The following C19orf47 variants were observed in gnomAD, a reference collection of about 807,000 sequenced individuals.
C19orf47 encodes uncharacterized protein C19orf47.
A neutral mutation model predicts 32.3 loss-of-function variants in C19orf47; 18 were observed. The ratio of observed to expected loss-of-function variants is 0.56; its 90% CI spans 0.39 to 0.83. The LOEUF (loss-of-function observed/expected upper bound fraction) is 0.83. Among genes scored for constraint, C19orf47 ranks in the 40% least tolerant of loss-of-function variants. The pLI is 0.00. For missense variants in C19orf47, 484 were observed against 531.6 expected (o/e 0.91, Z 0.88); for synonymous variants, 202 against 211.1 (o/e 0.96, Z 0.37).
the C19orf47 span, among the ~76,000 whole-genome samples, chr19:40,305,075 G>A: frequency 6.6e-6 from 1 of 152,108 alleles, no homozygotes; most frequent in Non-Finnish European, 1.5e-5. Context: ...AGGCGCGGTG[G>A]CTCATGCCTG....
chr19:40,336,267 T>C, intron 3 of C19orf47, 43 bp from the exon 4 acceptor site: 3 of 1,613,122 alleles, frequency 1.9e-6, no homozygotes, highest in Non-Finnish European at 2.5e-6. Flanking sequence ...TGGGCCAGAG[T>C]GGGTGGGCCA....
At chr19:40,317,031 AG>A (rs1361012104), downstream of C19orf47, among the ~76,000 whole-genome samples, 1 of 152,178 alleles carries the variant, frequency 6.6e-6, no homozygotes, top group African/African-American at 2.4e-5. Context: ...GGAAGGGACT[AG>A]GGGGCTAGGA....
chr19:40,328,727 G>A (rs1354421270), intron 5 of C19orf47, among the ~76,000 whole-genome samples, 177 bp from the exon 6 acceptor site: 1 of 152,068 alleles, frequency 6.6e-6, no homozygotes, highest in African/African-American at 2.4e-5. Context: ...AGGGTGGGCT[G>A]CATCTCCCCA....
Position 40,321,976 on chromosome 19 carries a change from G to T in C19orf47, c.1064C>A (p.Pro355His). Residue 355 changes from proline to histidine, a missense_variant, in exon 9 of 9, where the codon CCC becomes CAC. By Grantham distance (77) the Pro-to-His change is moderately conservative (BLOSUM62 -2). Transcript: ENST00000683109. ...KVTIKRTLVG[P>H]RGSSSSEGLG... ...GCCCTCGCTGGAGCTGCTCCCCCGG[G>T]GCCCCACCAGAGTCCTCTTAATGGT... is the stretch of plus-strand genomic sequence containing the variant. The T allele has an allele frequency of 6.2e-7, 1 of 1,613,904 alleles. No individual in the cohort carries two copies. The highest frequency in any genetic ancestry group is 8.5e-7 in the Non-Finnish European group (1 of 1,179,936).
At chr19:40,330,022 T>TA (rs1188870923) in intron 5 of C19orf47, among the ~76,000 whole-genome samples, 3 of 152,214 alleles carry the variant, frequency 2.0e-5, no homozygotes, top group Non-Finnish European at 2.9e-5. Context: ...GTCTTTACTC[T>TA]GTCTTGCATT....
chr19:40,322,717 T>G (rs533081415), intron 8 of C19orf47, among the ~76,000 whole-genome samples: 1 of 152,152 alleles, frequency 6.6e-6, no homozygotes, highest in Non-Finnish European at 1.5e-5. Flanking sequence ...GTGGAGAGAT[T>G]AATCTGGTCA....
At chr19:40,323,970 T>C in intron 8 of C19orf47, 36 bp downstream of exon 8, 3 of 1,612,860 alleles carry the variant, frequency 1.9e-6, no homozygotes, top group Non-Finnish European at 2.5e-6. Flanking sequence ...AGACAACAGC[T>C]CGCACGCCCA....
chr19:40,346,102 G>A (rs1284107358), intron 1 of C19orf47, among the ~76,000 whole-genome samples: 1 of 147,400 alleles, frequency 6.8e-6, no homozygotes, highest in Non-Finnish European at 1.5e-5. Flanking sequence ...GTTGCAGTGA[G>A]CCGAAACTGT....
the C19orf47 span, among the ~76,000 whole-genome samples, chr19:40,307,315 G>C: frequency 6.6e-6 from 1 of 151,436 alleles, no homozygotes; most frequent in South Asian, 2.1e-4. Context: ...GACTGGTCTC[G>C]AACTCTTGTT....
intron 7 of C19orf47, 79 bp from the exon 8 acceptor site, chr19:40,324,155 G>A: frequency 1.5e-6 from 2 of 1,374,928 alleles, no homozygotes; most frequent in Non-Finnish European, 2.1e-6. Flanking sequence ...CACCAAGGCA[G>A]CCCAGACACC....
downstream of C19orf47, among the ~76,000 whole-genome samples, chr19:40,317,466 G>GA (rs972293481): frequency 8.0e-4 from 118 of 146,992 alleles, no homozygotes; most frequent in Admixed American, 2.0e-3. Context: ...TAGAATCAGT[G>GA]AAAAAAAAAA....
At chr19:40,305,280 T>G in the C19orf47 span, among the ~76,000 whole-genome samples, 1 of 151,352 alleles carries the variant, frequency 6.6e-6, no homozygotes, top group Non-Finnish European at 1.5e-5. Flanking sequence ...GAGGCAGAGG[T>G]TTCAGTGAGC....
At chr19:40,300,055 G>A in the C19orf47 span, among the ~76,000 whole-genome samples, 2 of 151,900 alleles carry the variant, frequency 1.3e-5, no homozygotes, top group African/African-American at 4.8e-5. Flanking sequence ...AGACTAATTA[G>A]GCTTATTTGA....
chr19:40,343,467 T>C (rs2078216442), intron 1 of C19orf47: 1 of 152,150 alleles, frequency 6.6e-6, no homozygotes, highest in Admixed American at 6.5e-5. Context: ...GGTGCAAACA[T>C]GACTTACCTT....
intron 7 of C19orf47, among the ~76,000 whole-genome samples, chr19:40,324,968 AAAAAG>A (rs1220650495): frequency 2.0e-5 from 3 of 151,708 alleles, no homozygotes; most frequent in Non-Finnish European, 2.9e-5. Flanking sequence ...TCAAAAAAAA[AAAAAG>A]AAAAGAAAAG....
chr19:40,322,024 T>G lies in C19orf47; in HGVS notation c.1016A>C (p.Lys339Thr). The change falls in exon 9 of 9, where the codon AAG (lysine) becomes ACG (threonine). Residue 339 changes from lysine to threonine, a missense_variant. By Grantham distance (78) the Lys-to-Thr change is moderately conservative. Around this residue, in one of 3 missense-constraint regions of C19orf47, gnomAD observed 51 missense variants for 74.5 expected, o/e 0.68. Coordinates refer to ENST00000683109, the MANE Select transcript of C19orf47 (RefSeq NM_001256441.2). ...QDSQVTSTKS[K>T]SSAEVKVTIK... ...GGTGACCTTGACCTCGGCTGAGGAC[T>G]TACTCTTGGTGCTGGTGACCTGGCT... The G allele has an allele frequency of 6.2e-7, 1 of 1,614,176 alleles. No homozygotes were observed. The highest frequency in any genetic ancestry group is 8.5e-7 in the Non-Finnish European group (1 of 1,180,018).
At chr19:40,300,656 C>T in the C19orf47 span, among the ~76,000 whole-genome samples, 1,403 of 152,200 alleles carry the variant, frequency 9.2e-3, 20 homozygotes, top group Non-Finnish European at 7.3e-3. Context: ...TTAACCATGG[C>T]CATTCTGTCT....
chr19:40,317,037 C>A (rs2077666925), downstream of C19orf47, among the ~76,000 whole-genome samples: 1 of 152,018 alleles, frequency 6.6e-6, no homozygotes, highest in Admixed American at 6.6e-5. Flanking sequence ...GACTAGGGGG[C>A]TAGGAGACAT....
chr19:40,302,051 C>T, the C19orf47 span, among the ~76,000 whole-genome samples: 29 of 151,778 alleles, frequency 1.9e-4, no homozygotes, highest in African/African-American at 7.0e-4. Context: ...ATCCCAGCTA[C>T]TCAGGAGGCT....
Sources: allele counts gnomAD v4.1 joint callset (sites outside exome capture counted in the v4.1 genomes callset), GRCh38; gene constraint gnomAD v4.1.1; regional missense constraint gnomAD v4.1.1; transcripts MANE v1.5; gene names NCBI Gene and HGNC (gene_info 2026-07-23, HGNC 2026-07-21).